The following ACP7 variants were observed in gnomAD, a reference collection of about 807,000 sequenced individuals.
ACP7 encodes the protein acid phosphatase type 7.
In ACP7, 58 loss-of-function variants were observed where a neutral mutation model predicts 60.6. That is an observed-to-expected ratio of 0.96 (90% CI 0.77 to 1.19). The LOEUF (loss-of-function observed/expected upper bound fraction) is 1.19, where lower values mean the gene tolerates loss of function less well. ACP7 is among the 50% of genes most tolerant of loss of function. The pLI, the probability that ACP7 is intolerant of heterozygous loss-of-function variation, is 0.00. For synonymous variants in ACP7, 237 were observed against 232.6 expected (o/e 1.02, Z -0.17); for missense variants, 574 against 596.2 (o/e 0.96, Z 0.39).
intron 11 of ACP7, among the ~76,000 whole-genome samples, chr19:39,102,050 G>A (rs1166668849): frequency 2.6e-5 from 4 of 151,022 alleles, no homozygotes; most frequent in African/African-American, 9.8e-5. Flanking sequence ...AGTGCAGGAG[G>A]TCAAGGCTGT....
At chr19:39,095,930 C>T (rs1278297582) in intron 2 of ACP7, among the ~76,000 whole-genome samples, 2 of 152,336 alleles carry the variant, frequency 1.3e-5, no homozygotes, top group East Asian at 3.9e-4. Flanking sequence ...CCCTTACAGC[C>T]ACAGCTGGAG....
At chr19:39,095,336 T>C (rs2073253342) in intron 2 of ACP7, among the ~76,000 whole-genome samples, 1 of 152,144 alleles carries the variant, frequency 6.6e-6, no homozygotes. Flanking sequence ...CCATTCCAAA[T>C]GGGAGAAATT....
intron 11 of ACP7, among the ~76,000 whole-genome samples, chr19:39,103,541 T>A (rs2073381120): frequency 6.7e-6 from 1 of 148,404 alleles, no homozygotes; most frequent in East Asian, 2.0e-4. Flanking sequence ...ATTTTAAAAA[T>A]TTTGGCCACA....
At chr19:39,108,709 C>A (rs2073437722) in intron 12 of ACP7, among the ~76,000 whole-genome samples, 1 of 152,030 alleles carries the variant, frequency 6.6e-6, no homozygotes, top group Admixed American at 6.6e-5. Context: ...TAATGGCTCA[C>A]CTTTCTTTAT....
At chr19:39,084,008 G>A (rs1005367255), upstream of ACP7, 13 of 152,318 alleles carry the variant, frequency 8.5e-5, no homozygotes, top group African/African-American at 3.1e-4. Context: ...ATCGGGCAGG[G>A]CCAGGATAGG....
At chr19:39,105,085 G>T (rs77140634) in intron 11 of ACP7, among the ~76,000 whole-genome samples, 1 of 151,316 alleles carries the variant, frequency 6.6e-6, no homozygotes, top group Non-Finnish European at 1.5e-5. Context: ...GCGTGATCTC[G>T]GCTCACCACA....
At position 39,101,011 on chromosome 19, in the gene ACP7, C is replaced by G; in HGVS notation, c.870C>G (p.Tyr290Ter). The part of the protein sequence containing the change: ...WIITMGHRPM[Y>*]CSNADLDDCT... ...TCACTATGGGGCACCGGCCCATGTA[C>G]TGCTCCAACGCAGATCTGGACGACT... The change falls in exon 8 of 13, where the codon TAC (tyrosine) becomes TAG (stop). Residue 290 changes from tyrosine to a stop codon, truncating the protein, a stop_gained. Coordinates refer to ENST00000331256, the MANE Select transcript of ACP7 (RefSeq NM_001004318.3). LOFTEE classifies it high-confidence loss of function. 1 of 1,613,968 alleles carries G rather than the reference C, an allele frequency of 6.2e-7. No individual in the cohort carries two copies. Among genetic ancestry groups the G allele is most frequent in the Non-Finnish European group, 8.5e-7 (1 of 1,180,016 alleles).
chr19:39,100,643 G>T lies in ACP7; in HGVS notation c.692+1G>T. ...GGGATAATGAGGGCCTGTGGTACAGGTAATGTGGGGGTGCTGGGGGACTGG... is the reference window on the plus strand; with the variant it reads ...GGGATAATGAGGGCCTGTGGTACAGTTAATGTGGGGGTGCTGGGGGACTGG... On this transcript the variant is annotated splice_donor_variant, in intron 6 of 12. Transcript: ENST00000331256. LOFTEE classifies it high-confidence loss of function. 6.2e-7 allele frequency: 1 copy of T among 1,613,960 alleles called. No homozygotes were observed. Among genetic ancestry groups the T allele is most frequent in the Non-Finnish European group, 8.5e-7 (1 of 1,179,904 alleles).
Position 39,106,959 on chromosome 19 carries a change from C to T in ACP7, c.1126C>T (p.Arg376Trp), listed in dbSNP as rs200153327. The change falls in exon 12 of 13, where the codon CGG becomes TGG. Residue 376 changes from arginine (R) to tryptophan (W), a missense_variant. By Grantham distance (101) the Arg-to-Trp change is moderately radical. Transcript: ENST00000331256. The stretch of plus-strand genomic sequence containing the variant: ...CTCCCCGCCCCAGGGCTGTGAGGAG[C>T]GGCTGACGCCCTTTGCTGTCTTCCC... ...IITGSAGCEE[R>W]LTPFAVFPRP... 23 of 1,613,688 alleles carry T rather than the reference C, an allele frequency of 1.4e-5. No homozygotes were observed. Among genetic ancestry groups the T allele is most frequent in the African/African-American group, 2.7e-5 (2 of 74,924 alleles).
At position 39,099,092 on chromosome 19, in the gene ACP7, G is replaced by A. The variant is rs975434362; in HGVS notation, c.455G>A (p.Arg152Gln). The change falls in exon 4 of 13, where the codon CGG becomes CAG. Residue 152 changes from arginine to glutamine, a missense_variant. By Grantham distance (43) the Arg-to-Gln change is conservative. Coordinates refer to ENST00000331256, the MANE Select transcript of ACP7 (RefSeq NM_001004318.3). Reference protein sequence around the residue: ...LGADNPKAVPRLRRDTQQGMY... With the variant: ...LGADNPKAVPQLRRDTQQGMY... ...GCTGACAACCCGAAGGCCGTCCCCC[G>A]GCTGCGCAGGGACACCCAGCAGGGC... 2.5e-6 allele frequency: 4 copies of A among 1,600,496 alleles called. No individual in the cohort carries two copies. The Admixed American group carries it at 6.9e-5, about 28-fold the overall frequency.
intron 2 of ACP7, among the ~76,000 whole-genome samples, chr19:39,098,201 C>T (rs1405432298): frequency 7.6e-6 from 1 of 130,730 alleles, no homozygotes; most frequent in African/African-American, 2.9e-5. Flanking sequence ...TTGCAGTAAG[C>T]TGAGATTGCA....
At chr19:39,098,409 C>A in intron 2 of ACP7, 49 bp from the exon 3 acceptor site, 27 of 1,264,008 alleles carry the variant, frequency 2.1e-5, no homozygotes, top group Non-Finnish European at 2.5e-5. Context: ...ATCCCTCCCA[C>A]CCTGCCCAGG....
In ACP7 at chr19:39,098,888, GGGGAAGGATGGGGTTGGAGGGAGGGT is replaced by G; in HGVS notation, c.323-71_323-46del. On this transcript the variant is annotated intron_variant, in intron 3 of 12. Transcript: ENST00000331256. ...CCCCATCTCCTCCCCTCCACCAGTC[GGGGAAGGATGGGGTTGGAGGGAGGGT>G]CCCGGGGCGCCCCAGCTGACTGCGA... 17 of 1,029,398 alleles carry G rather than the reference GGGGAAGGATGGGGTTGGAGGGAGGGT, an allele frequency of 1.7e-5. 1 individual carries two copies. The highest frequency in any genetic ancestry group is 2.2e-5 in the Non-Finnish European group (16 of 740,314). The allele number at this position is 1,029,398 out of a possible 1,614,324, so 63.8% of individuals were successfully genotyped here.
intron 2 of ACP7, among the ~76,000 whole-genome samples, chr19:39,095,365 A>C (rs967137118): frequency 1.3e-5 from 2 of 152,222 alleles, no homozygotes; most frequent in Admixed American, 6.5e-5. Flanking sequence ...CAAAGGCATT[A>C]CAGGGCCCAT....
chr19:39,085,823 G>C (rs1046290002), intron 2 of ACP7, among the ~76,000 whole-genome samples: 2 of 152,152 alleles, frequency 1.3e-5, no homozygotes, highest in Admixed American at 6.5e-5. Flanking sequence ...TCTTTGATTA[G>C]GATCCTTCCA....
chr19:39,110,205 G>T lies in ACP7; in HGVS notation c.*87G>T. 3 of 1,310,314 alleles carry T rather than the reference G, an allele frequency of 2.3e-6. No homozygotes were observed. Among genetic ancestry groups the T allele is most frequent in the Non-Finnish European group, 2.2e-6 (2 of 917,458 alleles). The allele number at this position is 1,310,314 out of a possible 1,614,324, so 81.2% of individuals were successfully genotyped here. A position where few individuals can be genotyped will look rare whatever the true frequency, so the allele number is the denominator to read the frequency against. ...ACTGCCCAGGCCTGGGTGGGGAGTT[G>T]GGTGGGCCCTGACTCCCCTGCCCTC... On this transcript the variant is annotated 3_prime_UTR_variant, in exon 13 of 13. Transcript: ENST00000331256.
chr19:39,086,056 G>A (rs986878512), intron 2 of ACP7, among the ~76,000 whole-genome samples: 3 of 152,176 alleles, frequency 2.0e-5, no homozygotes, highest in Non-Finnish European at 2.9e-5. Flanking sequence ...GAGTGTGGGG[G>A]CTCACACCTG....
chr19:39,108,502 A>G (rs2073435776), intron 12 of ACP7, among the ~76,000 whole-genome samples: 1 of 151,826 alleles, frequency 6.6e-6, no homozygotes, highest in Admixed American at 6.6e-5. Context: ...CATAGTTTCC[A>G]CCTCACAGGA....
chr19:39,106,820 G>A (rs997174695), intron 11 of ACP7, 127 bp from the exon 12 acceptor site: 23 of 1,171,054 alleles, frequency 2.0e-5, no homozygotes, highest in African/African-American at 7.6e-5. Context: ...CACTGCGCCC[G>A]GCCTCTATGG....
Sources: gnomAD v4.1 joint callset for allele counts (sites outside exome capture counted in the v4.1 genomes callset) on GRCh38, gnomAD v4.1.1 for gene constraint, MANE v1.5 for transcripts, NCBI Gene and HGNC (gene_info 2026-07-23, HGNC 2026-07-21) for gene names.